Variants in ABHD10 observed in about 807,000 individuals in gnomAD.
The protein encoded by ABHD10 is palmitoyl-protein thioesterase ABHD10, mitochondrial.
A neutral mutation model predicts 33.1 loss-of-function variants in ABHD10; 22 were observed. The observed-to-expected ratio is 0.66, with a 90% CI of 0.47 to 0.95. ABHD10 has a LOEUF of 0.95. Among genes scored for constraint, ABHD10 ranks in the 40% least tolerant of loss-of-function variants. The probability of loss-of-function intolerance (pLI) is 0.00; values close to 1 mark genes in which losing one functional copy is unlikely to be tolerated. For missense variants in ABHD10, 352 were observed against 379.9 expected, an observed-to-expected ratio of 0.93 and a Z score of 0.61; for synonymous variants, 146 against 133.9, an observed-to-expected ratio of 1.09 and a Z score of -0.62.
chr3:111,987,343 T>G (rs1338007101), intron 4 of ABHD10, among the ~76,000 whole-genome samples: 1 of 152,234 alleles, frequency 6.6e-6, no homozygotes, highest in Non-Finnish European at 1.5e-5. Flanking sequence ...AGCCACATTT[T>G]CTTTATTATT....
At chr3:111,991,342 A>G in intron 4 of ABHD10, 35 bp from the exon 5 acceptor site, 1 of 1,560,156 alleles carries the variant, frequency 6.4e-7, no homozygotes. Flanking sequence ...GCCTAAAGTC[A>G]CAAATACTTT....
intron 1 of ABHD10, 30 bp downstream of exon 1, chr3:111,979,233 C>A (rs766699335): frequency 5.1e-6 from 8 of 1,571,252 alleles, no homozygotes; most frequent in Non-Finnish European, 6.9e-6. Context: ...GAGTAGGATG[C>A]GTTCTTTCGA....
intron 1 of ABHD10, among the ~76,000 whole-genome samples, chr3:111,980,898 G>T (rs905759503): frequency 2.0e-5 from 3 of 152,134 alleles, no homozygotes; most frequent in Non-Finnish European, 4.4e-5. Context: ...TGAGGTAGGC[G>T]GATGGGTGGG....
At chr3:111,982,015 A>C (rs1225090375) in intron 2 of ABHD10, 48 bp downstream of exon 2, 1 of 1,351,260 alleles carries the variant, frequency 7.4e-7, no homozygotes, top group Non-Finnish European at 9.9e-7. Flanking sequence ...TTAGCATTAC[A>C]GTGGAGAATT....
rs368047355 is a variant in ABHD10 at position 111,988,358 on chromosome 3, T to C, written c.576+1307T>C. On this transcript the variant is annotated intron_variant, in intron 4 of 4. Coordinates refer to ENST00000273359, the MANE Select transcript of ABHD10 (RefSeq NM_018394.4). ...GAATTTTGTTCACTTTCTTGGTGGTTTCTCATACATAGTTGCTCAATGTCT... is the reference window on the plus strand; with the variant it reads ...GAATTTTGTTCACTTTCTTGGTGGTCTCTCATACATAGTTGCTCAATGTCT... 3.4e-4 allele frequency among the ~76,000 whole-genome samples: 52 copies of C among 152,256 alleles called. No individual in the cohort carries two copies. In the South Asian group the frequency reaches 0.011, roughly 31 times the overall value.
chr3:111,981,435 G>A (rs543492462), intron 1 of ABHD10, among the ~76,000 whole-genome samples: 4 of 152,052 alleles, frequency 2.6e-5, no homozygotes, highest in Middle Eastern at 3.2e-3. Flanking sequence ...GGGTAAATCT[G>A]AATGTTGATT....
At chr3:111,982,167 A>T (rs1048731951) in intron 2 of ABHD10, 200 bp downstream of exon 2, 2 of 399,600 alleles carry the variant, frequency 5.0e-6, no homozygotes, top group Non-Finnish European at 8.6e-6. Flanking sequence ...TGCCACGCTG[A>T]CAACCCTGGC....
chr3:111,979,083 G>T lies in ABHD10; in HGVS notation c.22G>T (p.Ala8Ser), dbSNP rs1486948983. The change falls in exon 1 of 5, where the codon GCT becomes TCT. Residue 8 changes from alanine to serine, a missense_variant. Ala to Ser is a moderately conservative substitution (Grantham distance 99, BLOSUM62 1). Transcript: ENST00000273359. MAVARLAAVAAWVPCRSW... is the reference protein window; with the variant it reads MAVARLASVAAWVPCRSW... ...GAAGATGGCGGTTGCGCGCTTGGCA[G>T]CTGTGGCGGCCTGGGTACCTTGTCG... 4.3e-6 allele frequency: 7 copies of T among 1,613,218 alleles called. No individual in the cohort carries two copies. The African/African-American group carries it at 6.7e-5, about 15-fold the overall frequency.
chr3:111,981,822 C>A lies in ABHD10; in HGVS notation c.181C>A (p.Pro61Thr). ...GACGTCACTCTCATTCCTTAATCGA[C>A]CAGACCTTCCAAACCTGGCTTATAA... ...QKTSLSFLNR[P>T]DLPNLAYKKL... The change falls in exon 2 of 5, where the codon CCA becomes ACA. Residue 61 changes from proline to threonine, a missense_variant. Pro to Thr is a conservative substitution (Grantham distance 38, BLOSUM62 -1). Transcript: ENST00000273359. 6.3e-7 allele frequency: 1 copy of A among 1,596,048 alleles called. No individual in the cohort carries two copies. Among genetic ancestry groups the A allele is most frequent in the Non-Finnish European group, 8.6e-7 (1 of 1,167,346 alleles).
chr3:111,987,138 G>C, intron 4 of ABHD10, 87 bp downstream of exon 4: 1 of 1,489,094 alleles, frequency 6.7e-7, no homozygotes, highest in Non-Finnish European at 9.1e-7. Context: ...AGGGGGGACA[G>C]AAAACAATAA....
chr3:111,985,155 C>G (rs2072639167), intron 2 of ABHD10, among the ~76,000 whole-genome samples: 1 of 152,188 alleles, frequency 6.6e-6, no homozygotes, highest in Non-Finnish European at 1.5e-5. Context: ...GGGGAGGAAG[C>G]TGTTCTTGGC....
chr3:111,979,890 G>T (rs181974034), intron 1 of ABHD10, among the ~76,000 whole-genome samples: 2 of 152,340 alleles, frequency 1.3e-5, no homozygotes, highest in Admixed American at 6.5e-5. Context: ...GAGATCTTTT[G>T]TATGGAGATT....
intron 1 of ABHD10, 73 bp from the exon 2 acceptor site, chr3:111,981,711 G>T: frequency 7.7e-7 from 1 of 1,302,100 alleles, no homozygotes; most frequent in Non-Finnish European, 1.0e-6. Flanking sequence ...AGAAAGTTAA[G>T]ATCGAAAATA....
Position 111,979,210 on chromosome 3 carries a change from G to C in ABHD10, c.142+7G>C, listed in dbSNP as rs1243409870. ...GCGCCACGGTGGCTCCCAGGTCAGT[G>C]TCCGAAAGGCGGGAGTAGGATGCGT... On this transcript the variant is annotated splice_region_variant and intron_variant, in intron 1 of 4. Coordinates refer to ENST00000273359, the MANE Select transcript of ABHD10 (RefSeq NM_018394.4). The C allele has an allele frequency of 1.3e-6, 2 of 1,593,176 alleles. No homozygotes were observed. The highest frequency in any genetic ancestry group is 3.4e-5 in the Admixed American group (2 of 58,724).
In ABHD10 at chr3:111,979,169, A is replaced by G. The variant is rs111972561; in HGVS notation, c.108A>G (p.Ala36=). 3.0e-4 allele frequency: 485 copies of G among 1,611,110 alleles called. 2 individuals are homozygous for G. The African/African-American group carries it at 5.6e-3, about 19-fold the overall frequency. ...ACCGTGGCCTCAGCGTGCTGCTTGC[A>G]CGGATACCTCAGCGGGCGCCACGGT... The part of the protein sequence containing the change: ...GPHRGLSVLL[A]RIPQRAPRWL... Residue 36 remains alanine, a synonymous_variant, in exon 1 of 5, where the codon GCA becomes GCG. Coordinates refer to ENST00000273359, the MANE Select transcript of ABHD10 (RefSeq NM_018394.4).
rs1022533770 is a variant in ABHD10 at position 111,993,353 on chromosome 3, C to T, written c.*1632C>T. On this transcript the variant is annotated 3_prime_UTR_variant, in exon 5 of 5. Transcript: ENST00000273359. The stretch of plus-strand genomic sequence containing the variant: ...TCCTTTCACTGTAATAAATCATGGC[C>T]GTGAGCAGAACTGTATGTGGAGTCT... The T allele has an allele frequency of 2.6e-5, 4 of 151,842 alleles. No homozygotes were observed. The highest frequency in any genetic ancestry group is 4.4e-5 in the Non-Finnish European group (3 of 68,026). 9.4% of individuals were successfully genotyped at this position (151,842 alleles called of 1,614,324 possible). A position where few individuals can be genotyped will look rare whatever the true frequency, so the allele number is the denominator to read the frequency against.
chr3:111,982,835 T>G (rs1028622363), intron 2 of ABHD10, among the ~76,000 whole-genome samples: 3 of 152,156 alleles, frequency 2.0e-5, no homozygotes, highest in African/African-American at 7.2e-5. Context: ...TATATAAAAC[T>G]TTCAGACTAC....
At chr3:111,991,122 T>G (rs1037267780) in intron 4 of ABHD10, among the ~76,000 whole-genome samples, 2 of 152,208 alleles carry the variant, frequency 1.3e-5, no homozygotes, top group African/African-American at 4.8e-5. Flanking sequence ...ATTTCATTTA[T>G]CTAAACCATA....
At chr3:111,986,847 A>G in intron 3 of ABHD10, 67 bp from the exon 4 acceptor site, 1 of 1,181,234 alleles carries the variant, frequency 8.5e-7, no homozygotes, top group Non-Finnish European at 1.1e-6. Context: ...TATTGTACAT[A>G]TTTTGTTTTA....
Sources: allele counts gnomAD v4.1 joint callset (sites outside exome capture counted in the v4.1 genomes callset), GRCh38; gene constraint gnomAD v4.1.1; transcripts MANE v1.5; gene names NCBI Gene and HGNC (gene_info 2026-07-23, HGNC 2026-07-21).